The following TBC1D14 variants were observed in gnomAD, a reference collection of about 807,000 sequenced individuals.
TBC1D14 encodes TBC1 domain family member 14, also known as TBC1 domain family, member 14.
TBC1D14 carries 26 observed loss-of-function variants against 79.0 expected under a neutral mutation model. The ratio of observed to expected loss-of-function variants is 0.33; its 90% confidence interval spans 0.24 to 0.46. The LOEUF is 0.46. Among genes scored for constraint, TBC1D14 ranks in the 20% least tolerant of loss-of-function variants. TBC1D14 has a pLI of 1.00. For missense variants in TBC1D14, 769 were observed against 887.6 expected, an observed-to-expected ratio of 0.87 and a Z score of 1.70; for synonymous variants, 394 against 349.9, an observed-to-expected ratio of 1.13 and a Z score of -1.40.
chr4:6,929,887 C>G (rs574530696), intron 2 of TBC1D14, among the ~76,000 whole-genome samples: 7 of 152,238 alleles, frequency 4.6e-5, no homozygotes, highest in Non-Finnish European at 1.0e-4. Context: ...CATTTCACAG[C>G]TCACTGGAGA....
chr4:7,012,039 G>A (rs974779510), intron 11 of TBC1D14, among the ~76,000 whole-genome samples: 2 of 151,732 alleles, frequency 1.3e-5, no homozygotes, highest in Non-Finnish European at 2.9e-5. Flanking sequence ...GGTGGCTTAC[G>A]CCTGTAATCC....
intron 2 of TBC1D14, among the ~76,000 whole-genome samples, chr4:6,945,445 T>C (rs944264510): frequency 2.0e-5 from 3 of 152,044 alleles, no homozygotes; most frequent in Non-Finnish European, 4.4e-5. Context: ...TATCTTAAAT[T>C]CACATAGATT....
rs1184956979 is a variant in TBC1D14, at chr4:7,005,304, G to C, written c.1351+380G>C. ...TAATCCCAGCACTTTGGGAGGCTGA[G>C]GCGGGTGGATCACAAGGTCAGGAGT... is the stretch of plus-strand genomic sequence containing the variant. On this transcript the variant is annotated intron_variant, in intron 8 of 13. Transcript: ENST00000409757. 3.3e-5 allele frequency among the ~76,000 whole-genome samples: 5 copies of C among 152,162 alleles called. No homozygotes were observed. In the East Asian group the frequency reaches 9.6e-4, roughly 29 times the overall value.
intron 2 of TBC1D14, among the ~76,000 whole-genome samples, chr4:6,931,347 A>G (rs982535080): frequency 6.6e-5 from 10 of 152,192 alleles, no homozygotes; most frequent in African/African-American, 2.2e-4. Flanking sequence ...CCACTGGTTT[A>G]CACAGCTGGG....
At chr4:7,017,501 T>G (rs1427404070) in intron 12 of TBC1D14, among the ~76,000 whole-genome samples, 1 of 152,138 alleles carries the variant, frequency 6.6e-6, no homozygotes, top group Non-Finnish European at 1.5e-5. Context: ...TAGCTCAGGT[T>G]CCAGAGACAG....
chr4:6,957,556 C>T (rs959295151), intron 2 of TBC1D14, among the ~76,000 whole-genome samples: 1 of 152,244 alleles, frequency 6.6e-6, no homozygotes, highest in East Asian at 1.9e-4. Flanking sequence ...CTTTTGCCTA[C>T]TGGTCTCCTC....
At chr4:6,948,453 TG>T (rs1713694649) in intron 2 of TBC1D14, among the ~76,000 whole-genome samples, 1 of 152,186 alleles carries the variant, frequency 6.6e-6, no homozygotes, top group South Asian at 2.1e-4. Flanking sequence ...TTCGGCTGTA[TG>T]GGTATCCCAC....
intron 3 of TBC1D14, among the ~76,000 whole-genome samples, chr4:6,972,102 G>C (rs1355342816): frequency 1.3e-5 from 2 of 152,180 alleles, no homozygotes; most frequent in Non-Finnish European, 2.9e-5. Flanking sequence ...GAGTAAAGGG[G>C]AACCTTCTTT....
chr4:6,926,574 T>G (rs1724314969), intron 2 of TBC1D14, among the ~76,000 whole-genome samples: 1 of 152,174 alleles, frequency 6.6e-6, no homozygotes, highest in African/African-American at 2.4e-5. Flanking sequence ...GGGAAGATAA[T>G]GGAATATAAT....
Position 6,941,412 on chromosome 4 carries a change from C to T in TBC1D14, c.722+17301C>T, listed in dbSNP as rs182584355. 3.7e-3 allele frequency among the ~76,000 whole-genome samples: 569 copies of T among 152,238 alleles called. 1 individual carries two copies. Among genetic ancestry groups the T allele is most frequent in the Middle Eastern group, 0.027 (8 of 294 alleles). On this transcript the variant is annotated intron_variant, in intron 2 of 13. Transcript: ENST00000409757. ...TGTTAGCCAGGCTGGTCTCAAACTC[C>T]GGAGCTCAGGTGATTTGCCGTCTTG...
At chr4:6,923,061 C>T (rs924151298) in intron 1 of TBC1D14, among the ~76,000 whole-genome samples, 14 of 152,162 alleles carry the variant, frequency 9.2e-5, no homozygotes, top group Non-Finnish European at 1.2e-4. Flanking sequence ...ATTAGCTGGG[C>T]GTGGAAGCGC....
intron 13 of TBC1D14, among the ~76,000 whole-genome samples, chr4:7,027,692 C>A: frequency 8.5e-6 from 1 of 117,514 alleles, no homozygotes; most frequent in Non-Finnish European, 1.8e-5. Context: ...CACACAAAAT[C>A]ACCCCCCACA....
rs1021752667 is a variant in TBC1D14, at chr4:7,033,049, A to G, written c.*2657A>G. ...TTAATTTTATTTAGTAAAGTGTATC[A>G]AAGTAGGACTTTTTTGAATTGTAAA... On this transcript the variant is annotated 3_prime_UTR_variant, in exon 14 of 14. Transcript: ENST00000409757. 1.3e-5 allele frequency: 2 copies of G among 152,696 alleles called. No individual in the cohort carries two copies. Among genetic ancestry groups the G allele is most frequent in the African/African-American group, 4.8e-5 (2 of 41,466 alleles). 9.5% of individuals were successfully genotyped at this position (152,696 alleles called of 1,614,324 possible). A position where few individuals can be genotyped will look rare whatever the true frequency, so the allele number is the denominator to read the frequency against.
intron 3 of TBC1D14, among the ~76,000 whole-genome samples, chr4:6,987,004 A>C (rs559754129): frequency 1.2e-4 from 19 of 152,344 alleles, no homozygotes; most frequent in African/African-American, 4.6e-4. Context: ...TTTAAGGCAG[A>C]AGCTGGCTCT....
chr4:6,933,276 CCCCCTTCCCCTTCCCCTT>C (rs1186457982), intron 2 of TBC1D14, among the ~76,000 whole-genome samples: 1 of 17,054 alleles, frequency 5.9e-5, no homozygotes, highest in East Asian at 2.3e-3. Context: ...CCCTTCCCCT[CCCCCTTCCCCTTCCCCTT>C]CCCCTTCCCC....
At chr4:6,911,175 C>T (rs1461599487) in intron 1 of TBC1D14, among the ~76,000 whole-genome samples, 1 of 152,164 alleles carries the variant, frequency 6.6e-6, no homozygotes, top group Non-Finnish European at 1.5e-5. Context: ...CCGACCAACC[C>T]TCTTACTGCT....
chr4:7,022,014 G>A (rs1303388842), intron 12 of TBC1D14, among the ~76,000 whole-genome samples: 1 of 152,230 alleles, frequency 6.6e-6, no homozygotes, highest in African/African-American at 2.4e-5. Flanking sequence ...TCAGTGGCCT[G>A]TTCACGGCTG....
At chr4:7,027,179 C>G (rs1005471682) in intron 13 of TBC1D14, among the ~76,000 whole-genome samples, 3 of 152,114 alleles carry the variant, frequency 2.0e-5, no homozygotes, top group Middle Eastern at 3.4e-3. Context: ...CCACTGCACT[C>G]CAGCCTGGGC....
intron 3 of TBC1D14, among the ~76,000 whole-genome samples, chr4:6,980,352 GAACAC>G (rs1717251842): frequency 6.6e-6 from 1 of 152,106 alleles, no homozygotes. Context: ...AAGCGAACGA[GAACAC>G]AACATACCAA....
Sources: allele counts gnomAD v4.1 joint callset (sites outside exome capture counted in the v4.1 genomes callset), GRCh38; gene constraint gnomAD v4.1.1; transcripts MANE v1.5; gene names NCBI Gene and HGNC (gene_info 2026-07-23, HGNC 2026-07-21).